The following EPHA7 variants were observed in gnomAD, a reference collection of about 807,000 sequenced individuals.
The protein encoded by EPHA7 is EPH receptor A7.
In EPHA7, 25 loss-of-function variants were observed where a neutral mutation model predicts 112.6. The ratio of observed to expected loss-of-function variants is 0.22; its 90% CI spans 0.16 to 0.31. EPHA7 has a LOEUF of 0.31. EPHA7 is among the 10% of genes least tolerant of loss of function. EPHA7 has a pLI of 1.00. For missense variants in EPHA7, 962 were observed against 1,212.6 expected, an observed-to-expected ratio of 0.79 and a Z score of 3.07; for synonymous variants, 437 against 406.5, an observed-to-expected ratio of 1.07 and a Z score of -0.90.
chr6:93,257,572 G>T, intron 11 of EPHA7, 49 bp from the exon 12 acceptor site: 7 of 1,255,562 alleles, frequency 5.6e-6, no homozygotes, highest in Non-Finnish European at 8.0e-6. Flanking sequence ...GAGCTGGAGG[G>T]TCATTTCCTT....
At chr6:93,382,416 C>T (rs1777382320) in intron 3 of EPHA7, among the ~76,000 whole-genome samples, 1 of 152,142 alleles carries the variant, frequency 6.6e-6, no homozygotes, top group South Asian at 2.1e-4. Flanking sequence ...GGAGCGCAAG[C>T]GCAGGTGGTA....
chr6:93,251,887 C>G (rs1413216998), intron 14 of EPHA7, among the ~76,000 whole-genome samples: 1 of 151,994 alleles, frequency 6.6e-6, no homozygotes, highest in Non-Finnish European at 1.5e-5. Context: ...AGCTCAACCT[C>G]TTGGTTTTAA....
rs545209475 is a variant in EPHA7 at position 93,291,594 on chromosome 6, C to T, written c.1325-19172G>A. ...CCATCCCGGCTAAAACGGTGAAACCCCGTCTCTACTAAAAATACAAAAAAT... is the reference window on the plus strand; with the variant it reads ...CCATCCCGGCTAAAACGGTGAAACCTCGTCTCTACTAAAAATACAAAAAAT... On this transcript the variant is annotated intron_variant, in intron 5 of 16. Coordinates refer to ENST00000369303, the MANE Select transcript of EPHA7 (RefSeq NM_004440.4). 5.4e-5 allele frequency among the ~76,000 whole-genome samples: 8 copies of T among 148,944 alleles called. No individual in the cohort carries two copies. The East Asian group carries it at 1.6e-3, about 29-fold the overall frequency.
Position 93,405,264 on chromosome 6 carries a change from A to G in EPHA7, c.832+5237T>C, listed in dbSNP as rs540382835. On this transcript the variant is annotated intron_variant, in intron 3 of 16. Coordinates refer to ENST00000369303, the MANE Select transcript of EPHA7 (RefSeq NM_004440.4). Reference sequence around the variant, plus strand: ...TCAAAATTCCTTTATAATATCATTGATATTCTATAGAGTAAGTTCAATCAA... The same window carrying G: ...TCAAAATTCCTTTATAATATCATTGGTATTCTATAGAGTAAGTTCAATCAA... Among the ~76,000 whole-genome samples the G allele has an allele frequency of 1.8e-3, 268 of 151,958 alleles. 4 individuals carry two copies. Among genetic ancestry groups the G allele is most frequent in the African/African-American group, 6.3e-3 (263 of 41,538 alleles).
intron 5 of EPHA7, among the ~76,000 whole-genome samples, chr6:93,306,133 T>A (rs540047097): frequency 1.9e-4 from 29 of 152,118 alleles, no homozygotes; most frequent in African/African-American, 6.7e-4. Context: ...ATGGATTTTT[T>A]AAAATATAAT....
intron 12 of EPHA7, among the ~76,000 whole-genome samples, chr6:93,256,371 TC>T (rs1306982786): frequency 1.3e-5 from 2 of 152,056 alleles, no homozygotes; most frequent in East Asian, 3.9e-4. Context: ...CTAAGTGTTT[TC>T]CCCACATGCC....
chr6:93,385,481 A>T (rs2127975523), intron 3 of EPHA7, among the ~76,000 whole-genome samples: 1 of 152,184 alleles, frequency 6.6e-6, no homozygotes, highest in Non-Finnish European at 1.5e-5. Flanking sequence ...TGCATTTTTT[A>T]ATTTATACTG....
At chr6:93,292,030 A>T (rs935302164) in intron 5 of EPHA7, among the ~76,000 whole-genome samples, 11 of 152,158 alleles carry the variant, frequency 7.2e-5, no homozygotes, top group African/African-American at 2.7e-4. Flanking sequence ...CATATTTGGA[A>T]TTAAACAATA....
In EPHA7 at chr6:93,410,493, T is replaced by A. The variant is rs1401371276; in HGVS notation, c.832+8A>T. 2 of 1,607,426 alleles carry A rather than the reference T, an allele frequency of 1.2e-6. No homozygotes were observed. Among genetic ancestry groups the A allele is most frequent in the Non-Finnish European group, 1.7e-6 (2 of 1,176,176 alleles). Reference sequence around the variant, plus strand: ...CAAAGTGGAGTTTTAATAGGACACATTACTTACGTTCACAAGTGTCTCCTT... The same window carrying A: ...CAAAGTGGAGTTTTAATAGGACACAATACTTACGTTCACAAGTGTCTCCTT... On this transcript the variant is annotated splice_region_variant and intron_variant, in intron 3 of 16. Transcript: ENST00000369303. This position sits in a 1 kb window ranked among gnomAD's most constrained non-coding sequence, Gnocchi z 4.0.
At chr6:93,321,338 T>G (rs79288676) in intron 5 of EPHA7, among the ~76,000 whole-genome samples, 2,552 of 152,000 alleles carry the variant, frequency 0.017, 69 homozygotes, top group African/African-American at 0.058. Context: ...TATTATTTGT[T>G]GATTATGTAT....
chr6:93,283,424 C>T (rs147498279), intron 5 of EPHA7, among the ~76,000 whole-genome samples: 13 of 152,204 alleles, frequency 8.5e-5, no homozygotes, highest in African/African-American at 3.1e-4. Context: ...TCCCCTTCCA[C>T]ACTGTGGAAG....
chr6:93,373,012 T>C (rs1776877903), intron 3 of EPHA7, among the ~76,000 whole-genome samples: 1 of 152,034 alleles, frequency 6.6e-6, no homozygotes, highest in Non-Finnish European at 1.5e-5. Context: ...TCTTACAATT[T>C]AGAGTGCATA....
intron 16 of EPHA7, among the ~76,000 whole-genome samples, chr6:93,244,999 C>G (rs1424551283): frequency 6.6e-6 from 1 of 152,126 alleles, no homozygotes; most frequent in African/African-American, 2.4e-5. Context: ...TTATTACTTA[C>G]TAGTTAACTT....
chr6:93,344,920 C>A (rs1775322961), intron 5 of EPHA7, among the ~76,000 whole-genome samples: 1 of 151,576 alleles, frequency 6.6e-6, no homozygotes, highest in Non-Finnish European at 1.5e-5. Context: ...CACTCCTCTT[C>A]CCCGGAGAGG....
intron 5 of EPHA7, among the ~76,000 whole-genome samples, chr6:93,293,299 T>G (rs1420804784): frequency 1.3e-5 from 2 of 152,030 alleles, no homozygotes; most frequent in Admixed American, 6.6e-5. Context: ...AAGAATTATG[T>G]TTCAGAATAT....
chr6:93,392,766 A>G (rs1449873368), intron 3 of EPHA7, among the ~76,000 whole-genome samples: 2 of 151,926 alleles, frequency 1.3e-5, no homozygotes, highest in Non-Finnish European at 2.9e-5. Context: ...AAACCTATCC[A>G]TTACATAATA....
At chr6:93,295,490 A>G (rs2127842418) in intron 5 of EPHA7, among the ~76,000 whole-genome samples, 1 of 151,484 alleles carries the variant, frequency 6.6e-6, no homozygotes, top group East Asian at 1.9e-4. Context: ...ATAAATATAT[A>G]ATAGATATTT....
At chr6:93,253,812 T>G (rs1412941581) in intron 14 of EPHA7, among the ~76,000 whole-genome samples, 2 of 152,098 alleles carry the variant, frequency 1.3e-5, no homozygotes, top group Non-Finnish European at 2.9e-5. Flanking sequence ...TTCCTAGATT[T>G]CATACTGGCT....
chr6:93,355,617 G>C lies in EPHA7; in HGVS notation c.1324+1100C>G, dbSNP rs181251423. Among the ~76,000 whole-genome samples the C allele has an allele frequency of 3.3e-5, 5 of 152,248 alleles. No individual in the cohort carries two copies. In the South Asian group the frequency reaches 8.3e-4, roughly 25 times the overall value. Reference sequence around the variant, plus strand: ...ATTTACTACATAGCATCTATCTTCAGCAATAAGAATTTTTGAAAAGACTGA... The same window carrying C: ...ATTTACTACATAGCATCTATCTTCACCAATAAGAATTTTTGAAAAGACTGA... On this transcript the variant is annotated intron_variant, in intron 5 of 16. Coordinates refer to ENST00000369303, the MANE Select transcript of EPHA7 (RefSeq NM_004440.4).
Sources: allele counts gnomAD v4.1 joint callset (sites outside exome capture counted in the v4.1 genomes callset), GRCh38; gene constraint gnomAD v4.1.1; non-coding constraint Gnocchi (gnomAD v3.1); transcripts MANE v1.5; gene names NCBI Gene and HGNC (gene_info 2026-07-23, HGNC 2026-07-21).